The following SNX24 variants were observed in gnomAD, a reference collection of about 807,000 sequenced individuals.
The protein encoded by SNX24 is sorting nexin-24.
A neutral mutation model predicts 28.7 loss-of-function variants in SNX24; 22 were observed. The observed-to-expected ratio is 0.77, with a 90% CI of 0.55 to 1.10. SNX24 has a LOEUF of 1.10. SNX24 is among the 50% of genes least tolerant of loss of function. SNX24 has a pLI of 0.00. For missense variants in SNX24, 221 were observed against 201.1 expected (o/e 1.10, Z -0.60); for synonymous variants, 69 against 71.5 (o/e 0.96, Z 0.18).
At chr5:122,978,188 A>C (rs1481260946) in intron 3 of SNX24, among the ~76,000 whole-genome samples, 2 of 152,192 alleles carry the variant, frequency 1.3e-5, no homozygotes, top group Non-Finnish European at 2.9e-5. Flanking sequence ...GAATAACACG[A>C]ATTATATCTA....
At chr5:122,870,596 A>C (rs1755926196) in intron 1 of SNX24, among the ~76,000 whole-genome samples, 1 of 152,232 alleles carries the variant, frequency 6.6e-6, no homozygotes, top group African/African-American at 2.4e-5. Flanking sequence ...TGGAGATAAT[A>C]AAATGGAAAG....
intron 1 of SNX24, among the ~76,000 whole-genome samples, chr5:122,888,060 G>A (rs1239451001): frequency 6.6e-6 from 1 of 152,108 alleles, no homozygotes; most frequent in Non-Finnish European, 1.5e-5. Flanking sequence ...ACCTATATAT[G>A]TTTCATTTGA....
intron 1 of SNX24, among the ~76,000 whole-genome samples, chr5:122,855,260 C>T (rs533861596): frequency 2.2e-4 from 34 of 152,036 alleles, no homozygotes; most frequent in African/African-American, 7.0e-4. Flanking sequence ...TTAGTAGAGA[C>T]GGTTTCACCA....
chr5:123,023,248 T>C (rs2150187668), intron 5 of SNX24: 1 of 152,372 alleles, frequency 6.6e-6, no homozygotes, highest in Non-Finnish European at 1.5e-5. Context: ...TGGGCATAAT[T>C]TCTGAGTTAT....
intron 1 of SNX24, chr5:122,890,950 A>AT: frequency 2.4e-6 from 3 of 1,249,088 alleles, no homozygotes; most frequent in Non-Finnish European, 3.1e-6. Flanking sequence ...TTCTGCAAGG[A>AT]TTTTAAAGTA....
At chr5:122,899,198 G>T (rs538738460) in intron 1 of SNX24, among the ~76,000 whole-genome samples, 1 of 152,222 alleles carries the variant, frequency 6.6e-6, no homozygotes, top group East Asian at 1.9e-4. Flanking sequence ...GCTGCGAGTC[G>T]TGGTGACTTT....
At chr5:123,003,567 G>A (rs949202461) in intron 6 of SNX24, among the ~76,000 whole-genome samples, 1 of 152,210 alleles carries the variant, frequency 6.6e-6, no homozygotes, top group African/African-American at 2.4e-5. Context: ...CTGCAGAAGT[G>A]TAGACAGTGA....
At chr5:122,915,697 G>T (rs1440028886) in intron 1 of SNX24, among the ~76,000 whole-genome samples, 1 of 152,176 alleles carries the variant, frequency 6.6e-6, no homozygotes, top group South Asian at 2.1e-4. Context: ...TCATTGAGTG[G>T]CTTCTCCTTT....
rs115687598 is a variant in SNX24 at position 122,949,248 on chromosome 5, C to T, written c.249+3089C>T. ...CTAATGAAAATGAGAGGCAAAAAAGCCTACAGTTAGCATTTATTTGGCTTT... is the reference window on the plus strand; with the variant it reads ...CTAATGAAAATGAGAGGCAAAAAAGTCTACAGTTAGCATTTATTTGGCTTT... On this transcript the variant is annotated intron_variant, in intron 3 of 6. Transcript: ENST00000261369. Among the ~76,000 whole-genome samples, 339 of 152,078 alleles carry T rather than the reference C, an allele frequency of 2.2e-3. 2 individuals carry two copies. The highest frequency in any genetic ancestry group is 7.9e-3 in the African/African-American group (326 of 41,502).
intron 5 of SNX24, chr5:123,023,807 A>C (rs1431234627): frequency 7.7e-7 from 1 of 1,293,844 alleles, no homozygotes. Context: ...AAGACAACAC[A>C]ACACACACAC....
At chr5:122,847,502 C>CTTTTTTTT (rs1183386656) in intron 1 of SNX24, among the ~76,000 whole-genome samples, 42,771 of 130,426 alleles carry the variant, frequency 0.33, 9,032 homozygotes, top group East Asian at 0.88. Context: ...CTCTCTCTCT[C>CTTTTTTTT]TTTTTTTTTT....
intron 2 of SNX24, among the ~76,000 whole-genome samples, chr5:122,944,934 G>A (rs1305188881): frequency 6.6e-6 from 1 of 152,056 alleles, no homozygotes; most frequent in Non-Finnish European, 1.5e-5. Flanking sequence ...TAAGCACATT[G>A]CACTTAAAGA....
chr5:122,990,922 G>C (rs1179452441), intron 3 of SNX24, among the ~76,000 whole-genome samples: 1 of 152,126 alleles, frequency 6.6e-6, no homozygotes, highest in Non-Finnish European at 1.5e-5. Context: ...TTATTGTTGA[G>C]ACAGAGTCTC....
At chr5:122,944,682 G>A (rs774399539) in intron 2 of SNX24, among the ~76,000 whole-genome samples, 2 of 152,178 alleles carry the variant, frequency 1.3e-5, no homozygotes, top group African/African-American at 4.8e-5. Context: ...TTCTACCTCA[G>A]AGGCAAAGGT....
downstream of SNX24, among the ~76,000 whole-genome samples, chr5:123,010,461 G>A (rs1183643721): frequency 1.3e-5 from 2 of 151,904 alleles, no homozygotes; most frequent in African/African-American, 4.8e-5. Context: ...GCTAATTTTT[G>A]TATTTTTAGT....
At chr5:122,974,520 G>C (rs181931712) in intron 3 of SNX24, among the ~76,000 whole-genome samples, 39 of 152,324 alleles carry the variant, frequency 2.6e-4, no homozygotes, top group Non-Finnish European at 2.4e-4. Context: ...GGAGAAAAAG[G>C]CATTTGCCAA....
intron 3 of SNX24, among the ~76,000 whole-genome samples, chr5:122,981,444 A>G (rs1761388471): frequency 6.6e-6 from 1 of 152,234 alleles, no homozygotes; most frequent in African/African-American, 2.4e-5. Flanking sequence ...TTACTGAGGT[A>G]TAATTTACAT....
At chr5:122,971,999 A>G (rs1240574449) in intron 3 of SNX24, among the ~76,000 whole-genome samples, 2 of 152,216 alleles carry the variant, frequency 1.3e-5, no homozygotes, top group African/African-American at 4.8e-5. Flanking sequence ...GCATGGTAAT[A>G]TTAAGAACCA....
At chr5:123,029,056 G>T in intron 5 of SNX24, 1 of 811,480 alleles carries the variant, frequency 1.2e-6, no homozygotes, top group Non-Finnish European at 1.9e-6. Flanking sequence ...TGTTATGGAA[G>T]TAGAGTATTA....
Sources: gnomAD v4.1 joint callset for allele counts (sites outside exome capture counted in the v4.1 genomes callset) on GRCh38, gnomAD v4.1.1 for gene constraint, MANE v1.5 for transcripts, NCBI Gene and HGNC (gene_info 2026-07-23, HGNC 2026-07-21) for gene names.